The following CADPS2 variants were observed in gnomAD, a reference collection of about 807,000 sequenced individuals.
The protein encoded by CADPS2 is calcium dependent secretion activator 2.
In CADPS2, 93 loss-of-function variants were observed where a neutral mutation model predicts 172.5. The ratio of observed to expected loss-of-function variants is 0.54; its 90% CI spans 0.46 to 0.64. The LOEUF is 0.64. Ranked by LOEUF, CADPS2 falls within the 30% of genes least tolerant of loss-of-function variation. The probability of loss-of-function intolerance (pLI) is 0.00; values close to 1 mark genes in which losing one functional copy is unlikely to be tolerated. For synonymous variants in CADPS2, 546 were observed against 555.2 expected (o/e 0.98, Z 0.23); for missense variants, 1,420 against 1,565.9 (o/e 0.91, Z 1.57).
At chr7:122,580,913 G>A (rs1391984175) in intron 7 of CADPS2, among the ~76,000 whole-genome samples, 1 of 152,102 alleles carries the variant, frequency 6.6e-6, no homozygotes. Context: ...ATGGCCAGTG[G>A]AGCACATGTG....
chr7:122,849,885 T>C, intron 1 of CADPS2: 1 of 579,582 alleles, frequency 1.7e-6, no homozygotes, highest in Non-Finnish European at 3.3e-6. Flanking sequence ...GCCTCAGCTT[T>C]GGCCCCAGCC....
intron 24 of CADPS2, chr7:122,382,425 G>A (rs1365073302): frequency 6.6e-6 from 1 of 152,072 alleles, no homozygotes. Context: ...AGTGTTCAGT[G>A]GATGGTTAAA....
At chr7:122,821,310 GC>G (rs1296848356) in intron 1 of CADPS2, among the ~76,000 whole-genome samples, 2 of 151,918 alleles carry the variant, frequency 1.3e-5, no homozygotes, top group African/African-American at 4.8e-5. Flanking sequence ...CCACTAGCCC[GC>G]CTCTTAGAAC....
At chr7:122,795,612 C>T (rs1391132683) in intron 1 of CADPS2, among the ~76,000 whole-genome samples, 1 of 152,074 alleles carries the variant, frequency 6.6e-6, no homozygotes, top group Non-Finnish European at 1.5e-5. Flanking sequence ...AGACAAAAAC[C>T]ACATGAGAAT....
At position 122,702,671 on chromosome 7, in the gene CADPS2, A is replaced by G. The variant is rs747019795; in HGVS notation, c.453+34284T>C. 3 of 1,613,260 alleles carry G rather than the reference A, an allele frequency of 1.9e-6. No individual in the cohort carries two copies. In the South Asian group the frequency reaches 3.3e-5, roughly 18 times the overall value. ...TTTTCCGTTTGAGTCAGGAAAGCTA[A>G]GTAGTAGAAAGATACTAAGCCTCAA... On this transcript the variant is annotated intron_variant, in intron 2 of 29. Coordinates refer to ENST00000449022, the MANE Select transcript of CADPS2 (RefSeq NM_017954.11).
chr7:122,364,771 T>G (rs2040642383), intron 25 of CADPS2, among the ~76,000 whole-genome samples: 2 of 151,404 alleles, frequency 1.3e-5, no homozygotes, highest in Admixed American at 6.6e-5. Flanking sequence ...GTTTTAATTA[T>G]TAATGAGTAC....
intron 2 of CADPS2, among the ~76,000 whole-genome samples, chr7:122,687,951 A>T (rs1303783160): frequency 6.6e-6 from 1 of 152,240 alleles, no homozygotes; most frequent in African/African-American, 2.4e-5. Flanking sequence ...GTATAGACCT[A>T]TATTTCCAGC....
At chr7:122,688,859 C>T (rs886366668) in intron 2 of CADPS2, among the ~76,000 whole-genome samples, 6 of 152,112 alleles carry the variant, frequency 3.9e-5, no homozygotes, top group African/African-American at 9.7e-5. Context: ...TCCACCCCCT[C>T]GGCCAAGGGA....
intron 5 of CADPS2, among the ~76,000 whole-genome samples, chr7:122,618,459 G>C (rs925445973): frequency 6.6e-6 from 1 of 151,822 alleles, no homozygotes; most frequent in Non-Finnish European, 1.5e-5. Context: ...TAGTTGGTAA[G>C]TACTACAGCA....
chr7:122,415,236 T>A (rs555198705), intron 18 of CADPS2, among the ~76,000 whole-genome samples: 1 of 152,204 alleles, frequency 6.6e-6, no homozygotes, highest in Non-Finnish European at 1.5e-5. Context: ...ACGCTTATGA[T>A]TGTTTTCTAC....
chr7:122,520,265 G>A (rs2060678432), intron 8 of CADPS2, among the ~76,000 whole-genome samples: 1 of 151,900 alleles, frequency 6.6e-6, no homozygotes, highest in Non-Finnish European at 1.5e-5. Context: ...TAAATTTCAA[G>A]CATTAACGCT....
chr7:122,778,950 G>T (rs1314102140), intron 1 of CADPS2, among the ~76,000 whole-genome samples: 1 of 152,194 alleles, frequency 6.6e-6, no homozygotes, highest in African/African-American at 2.4e-5. Flanking sequence ...CTGGTAGGAA[G>T]TAATTGAATC....
At chr7:122,403,942 TAAA>T (rs1247549756) in intron 20 of CADPS2, among the ~76,000 whole-genome samples, 1 of 152,298 alleles carries the variant, frequency 6.6e-6, no homozygotes, top group African/African-American at 2.4e-5. Flanking sequence ...TTGAATAAGT[TAAA>T]ATATTCATCA....
At position 122,328,132 on chromosome 7, in the gene CADPS2, GAC is replaced by G. The variant is rs71159790; in HGVS notation, c.3613-2553_3613-2552del. On this transcript the variant is annotated intron_variant, in intron 28 of 29. Coordinates refer to ENST00000449022, the MANE Select transcript of CADPS2 (RefSeq NM_017954.11). ...GCTTTCTTGTATACAGTAAAATGCA[GAC>G]ACACACACACACACACACACACACA... is the stretch of plus-strand genomic sequence containing the variant. 1.4e-3 allele frequency among the ~76,000 whole-genome samples: 198 copies of G among 145,682 alleles called. 1 individual carries two copies. Among genetic ancestry groups the G allele is most frequent in the African/African-American group, 4.2e-3 (166 of 39,396 alleles).
intron 1 of CADPS2, among the ~76,000 whole-genome samples, chr7:122,811,839 G>GT (rs962068939): frequency 2.0e-5 from 3 of 151,984 alleles, no homozygotes; most frequent in African/African-American, 7.2e-5. Context: ...TAAAGAATCA[G>GT]TTTTTTTCAA....
chr7:122,433,148 G>A (rs942947733), intron 17 of CADPS2, among the ~76,000 whole-genome samples: 4 of 132,148 alleles, frequency 3.0e-5, no homozygotes, highest in Admixed American at 1.4e-4. Flanking sequence ...TATTTGAGGC[G>A]TGTGTGTGTG....
At chr7:122,325,344 T>C (rs1287673615) in intron 29 of CADPS2, 133 bp downstream of exon 29, 1 of 565,314 alleles carries the variant, frequency 1.8e-6, no homozygotes, top group Non-Finnish European at 3.1e-6. Context: ...AACGTGGAAG[T>C]AAACAGTAGC....
At chr7:122,812,624 T>C (rs940981398) in intron 1 of CADPS2, among the ~76,000 whole-genome samples, 9 of 152,100 alleles carry the variant, frequency 5.9e-5, no homozygotes, top group African/African-American at 1.9e-4. Flanking sequence ...CTATTTTTTC[T>C]CCTAAAAAAT....
chr7:122,722,729 C>A (rs1233037507), intron 2 of CADPS2, among the ~76,000 whole-genome samples: 1 of 137,716 alleles, frequency 7.3e-6, no homozygotes, highest in African/African-American at 2.7e-5. Flanking sequence ...CAAGACAATC[C>A]TAAGCCAAAA....
Sources: allele counts gnomAD v4.1 joint callset (sites outside exome capture counted in the v4.1 genomes callset), GRCh38; gene constraint gnomAD v4.1.1; transcripts MANE v1.5; gene names NCBI Gene and HGNC (gene_info 2026-07-23, HGNC 2026-07-21).